The following ADAM18 variants were observed in gnomAD, a reference collection of about 807,000 sequenced individuals.
ADAM18 encodes the protein ADAM metallopeptidase domain 18.
In ADAM18, 117 loss-of-function variants were observed where a neutral mutation model predicts 94.4. That is an observed-to-expected ratio of 1.24 (90% CI 1.07 to 1.45). The LOEUF is 1.45. Ranked by LOEUF, ADAM18 falls within the 40% of genes most tolerant of loss-of-function variation. ADAM18 has a pLI of 0.00. For missense variants in ADAM18, 936 were observed against 880.0 expected (o/e 1.06, Z -0.81); for synonymous variants, 327 against 291.6 (o/e 1.12, Z -1.24).
rs373740880 is a variant in ADAM18, at chr8:39,714,834, CAT to C, written c.2017+7931_2017+7932del. Among the ~76,000 whole-genome samples, 407 of 152,110 alleles carry C rather than the reference CAT, an allele frequency of 2.7e-3. 5 individuals carry two copies. Among genetic ancestry groups the C allele is most frequent in the African/African-American group, 9.4e-3 (391 of 41,518 alleles). On this transcript the variant is annotated intron_variant, in intron 18 of 19. Coordinates refer to ENST00000265707, the MANE Select transcript of ADAM18 (RefSeq NM_014237.3). ...TTTTCTCATCAATATTATAATGAAA[CAT>C]TGTTGAAAAAACAATTTTTTCTTTG...
chr8:39,711,700 G>A (rs1048374212), intron 18 of ADAM18, among the ~76,000 whole-genome samples: 2 of 151,948 alleles, frequency 1.3e-5, no homozygotes, highest in Non-Finnish European at 2.9e-5. Context: ...AATTGAAATG[G>A]TTGAATCTGA....
At chr8:39,618,328 A>T (rs1049712839) in intron 6 of ADAM18, among the ~76,000 whole-genome samples, 1 of 152,086 alleles carries the variant, frequency 6.6e-6, no homozygotes, top group Non-Finnish European at 1.5e-5. Context: ...TAAGTTTAGT[A>T]AGGGTGGGGG....
At chr8:39,681,181 T>C (rs1821445963) in intron 16 of ADAM18, among the ~76,000 whole-genome samples, 1 of 152,200 alleles carries the variant, frequency 6.6e-6, no homozygotes, top group South Asian at 2.1e-4. Context: ...TTGCATGGAC[T>C]CTCTCCCTTG....
chr8:39,723,233 C>T (rs1376898437), intron 18 of ADAM18, among the ~76,000 whole-genome samples: 1 of 151,252 alleles, frequency 6.6e-6, no homozygotes, highest in African/African-American at 2.4e-5. Context: ...TATACACATA[C>T]ACACATGCAC....
At chr8:39,693,061 C>G (rs1379442264) in intron 17 of ADAM18, among the ~76,000 whole-genome samples, 1 of 151,492 alleles carries the variant, frequency 6.6e-6, no homozygotes, top group African/African-American at 2.4e-5. Flanking sequence ...ATTTTTTTCT[C>G]ATTGAGAGAC....
At chr8:39,639,525 T>C (rs1012271675) in intron 10 of ADAM18, among the ~76,000 whole-genome samples, 1 of 152,022 alleles carries the variant, frequency 6.6e-6, no homozygotes, top group Non-Finnish European at 1.5e-5. Context: ...CTTCCTATTA[T>C]TGAAGTTAGA....
intron 13 of ADAM18, among the ~76,000 whole-genome samples, chr8:39,665,814 A>G (rs994223661): frequency 7.2e-5 from 11 of 152,212 alleles, no homozygotes; most frequent in East Asian, 1.9e-4. Flanking sequence ...ATGATCATAT[A>G]CCATAAAAAC....
At chr8:39,616,186 C>A (rs552424854) in intron 6 of ADAM18, among the ~76,000 whole-genome samples, 1 of 152,128 alleles carries the variant, frequency 6.6e-6, no homozygotes, top group African/African-American at 2.4e-5. Flanking sequence ...GGCAGATGAT[C>A]TGTTGTCAGG....
intron 7 of ADAM18, among the ~76,000 whole-genome samples, chr8:39,635,048 A>C (rs1336158424): frequency 6.6e-6 from 1 of 152,158 alleles, no homozygotes; most frequent in East Asian, 1.9e-4. Context: ...TCCCTTACAG[A>C]TGAGATTAAG....
intron 6 of ADAM18, 185 bp downstream of exon 6, chr8:39,610,891 A>G: frequency 2.4e-6 from 3 of 1,259,140 alleles, no homozygotes; most frequent in Non-Finnish European, 3.1e-6. Flanking sequence ...TTCAAGCTTA[A>G]TATTTTATGA....
intron 6 of ADAM18, among the ~76,000 whole-genome samples, chr8:39,615,938 A>G (rs1819426125): frequency 6.6e-6 from 1 of 152,240 alleles, no homozygotes; most frequent in Non-Finnish European, 1.5e-5. Flanking sequence ...GGGGCAAATC[A>G]AGAACACAAT....
chr8:39,706,372 T>A (rs1441588076), intron 17 of ADAM18, among the ~76,000 whole-genome samples: 10 of 152,018 alleles, frequency 6.6e-5, no homozygotes, highest in Admixed American at 6.5e-4. Context: ...CAATTGATAT[T>A]TATTTTATCA....
chr8:39,594,035 G>A (rs1050210413), intron 2 of ADAM18, among the ~76,000 whole-genome samples: 3 of 151,984 alleles, frequency 2.0e-5, no homozygotes, highest in African/African-American at 7.2e-5. Context: ...GTAATTTTTT[G>A]TTTTGCTTTT....
rs1823029340 is a variant in ADAM18, at chr8:39,730,045, T to C, written c.*105T>C. 5.8e-6 allele frequency: 7 copies of C among 1,210,286 alleles called. No individual in the cohort carries two copies. The highest frequency in any genetic ancestry group is 8.5e-6 in the Non-Finnish European group (7 of 825,334). The allele number at this position is 1,210,286 out of a possible 1,614,324, so 75.0% of individuals were successfully genotyped here. On this transcript the variant is annotated 3_prime_UTR_variant, in exon 20 of 20. Coordinates refer to ENST00000265707, the MANE Select transcript of ADAM18 (RefSeq NM_014237.3). Reference sequence around the variant, plus strand: ...TTGTAAATGTCAAACTTTTGGAAAATAAAGCCTGCGTGCCCTCCCATGTGC... The same window carrying C: ...TTGTAAATGTCAAACTTTTGGAAAACAAAGCCTGCGTGCCCTCCCATGTGC...
chr8:39,587,673 T>G (rs1300461357), intron 2 of ADAM18, among the ~76,000 whole-genome samples: 3 of 152,154 alleles, frequency 2.0e-5, no homozygotes, highest in Non-Finnish European at 4.4e-5. Context: ...CTTGAACTCC[T>G]GAACTCAAGT....
chr8:39,642,953 A>G (rs559011705), intron 10 of ADAM18, among the ~76,000 whole-genome samples: 12 of 152,024 alleles, frequency 7.9e-5, no homozygotes, highest in Non-Finnish European at 8.8e-5. Context: ...ATCATCTCTG[A>G]TTTTTTTGAA....
At chr8:39,587,618 AT>A (rs1222019034) in intron 2 of ADAM18, among the ~76,000 whole-genome samples, 2 of 151,610 alleles carry the variant, frequency 1.3e-5, no homozygotes, top group African/African-American at 2.4e-5. Flanking sequence ...ATAATTTTGT[AT>A]TTTTTTAGTA....
At chr8:39,669,364 G>T (rs1215015892) in intron 14 of ADAM18, among the ~76,000 whole-genome samples, 1 of 149,728 alleles carries the variant, frequency 6.7e-6, no homozygotes, top group African/African-American at 2.5e-5. Flanking sequence ...TGCACAACAT[G>T]CAGGTTTGTT....
chr8:39,624,901 A>G (rs1411198305), intron 6 of ADAM18, among the ~76,000 whole-genome samples: 2 of 152,190 alleles, frequency 1.3e-5, no homozygotes, highest in Non-Finnish European at 2.9e-5. Context: ...AGAAGCTGTC[A>G]TGCTTCCTGT....
Sources: gnomAD v4.1 joint callset for allele counts (sites outside exome capture counted in the v4.1 genomes callset) on GRCh38, gnomAD v4.1.1 for gene constraint, MANE v1.5 for transcripts, NCBI Gene and HGNC (gene_info 2026-07-23, HGNC 2026-07-21) for gene names.